Variants in RFT1 observed in about 807,000 individuals in gnomAD.
RFT1 encodes RFT1 glycolipid translocator homolog.
In RFT1, 43 loss-of-function variants were observed where a neutral mutation model predicts 62.2. That is an observed-to-expected ratio of 0.69 (90% CI 0.54 to 0.89). The LOEUF (loss-of-function observed/expected upper bound fraction) is 0.89. Among genes scored for constraint, RFT1 ranks in the 40% least tolerant of loss-of-function variants. The pLI, the probability that RFT1 is intolerant of heterozygous loss-of-function variation, is 0.00. For missense variants in RFT1, 605 were observed against 649.9 expected (o/e 0.93, Z 0.75); for synonymous variants, 262 against 264.6 (o/e 0.99, Z 0.10).
chr3:53,104,922 T>C (rs554237191), intron 9 of RFT1, among the ~76,000 whole-genome samples: 2 of 152,362 alleles, frequency 1.3e-5, no homozygotes, highest in East Asian at 1.9e-4. Context: ...GCTTAAATAA[T>C]TGGTGTGGTG....
At chr3:53,128,429 A>G (rs9820324) in intron 1 of RFT1, among the ~76,000 whole-genome samples, 40,072 of 152,190 alleles carry the variant, frequency 0.26, 5,671 homozygotes, top group Middle Eastern at 0.4. Flanking sequence ...AGCTAATGAA[A>G]CTGAGGTTGC....
intron 5 of RFT1, among the ~76,000 whole-genome samples, chr3:53,120,872 G>C (rs1701949986): frequency 6.6e-6 from 1 of 152,196 alleles, no homozygotes. Context: ...AACCATGCCT[G>C]AGACAAAGCC....
chr3:53,123,680 C>T (rs776815309), intron 3 of RFT1, 44 bp downstream of exon 3: 3 of 1,454,988 alleles, frequency 2.1e-6, no homozygotes, highest in East Asian at 2.3e-5. Flanking sequence ...ATGCTCACTA[C>T]ACCTGCCTTC....
At chr3:53,071,649 C>T in the RFT1 span, among the ~76,000 whole-genome samples, 1 of 152,350 alleles carries the variant, frequency 6.6e-6, no homozygotes, top group South Asian at 2.1e-4. Context: ...AGCTTAGACT[C>T]AGGCTCCAGG....
Position 53,099,446 on chromosome 3 carries a change from C to G in RFT1, c.1143G>C (p.Leu381=), listed in dbSNP as rs781188903. 1.2e-6 allele frequency: 2 copies of G among 1,613,950 alleles called. No homozygotes were observed. The highest frequency in any genetic ancestry group is 2.2e-5 in the East Asian group (1 of 44,876). ...ACTCTGTCACTCCATTGATGGCAAG[C>G]AGGAGAACATAGAGACAGTAGGAAC... ...LLRSYCLYVL[L]LAINGVTECF... The change falls in exon 11 of 13, where the codon CTG becomes CTC. Residue 381 remains leucine (L), a synonymous_variant. Coordinates refer to ENST00000296292, the MANE Select transcript of RFT1 (RefSeq NM_052859.4).
intron 1 of RFT1, among the ~76,000 whole-genome samples, chr3:53,129,970 G>A (rs983638251): frequency 2.6e-5 from 4 of 152,210 alleles, no homozygotes; most frequent in Non-Finnish European, 5.9e-5. Context: ...AAAGTTTGAG[G>A]AAGGTGTTTG....
the RFT1 span, among the ~76,000 whole-genome samples, chr3:53,079,704 C>T: frequency 1.3e-5 from 2 of 152,122 alleles, no homozygotes. Context: ...GGGCAACAGA[C>T]CACGACTCTG....
At position 53,125,944 on chromosome 3, in the gene RFT1, G is replaced by A. The variant is rs1702096489; in HGVS notation, c.114C>T (p.Phe38=). The A allele has an allele frequency of 3.1e-6, 5 of 1,613,886 alleles. No individual in the cohort carries two copies. Among genetic ancestry groups the A allele is most frequent in the Non-Finnish European group, 4.2e-6 (5 of 1,179,836 alleles). Residue 38 remains phenylalanine (F), a synonymous_variant, in exon 2 of 13, where the codon TTC becomes TTT. Coordinates refer to ENST00000296292, the MANE Select transcript of RFT1 (RefSeq NM_052859.4). ...TFVLNAFILR[F]LSKEIVGVVN... ...CTACGCCAACGATTTCCTTTGACAGGAAGCGAAGAATAAATGCATTCAAGA... is the reference window on the plus strand; with the variant it reads ...CTACGCCAACGATTTCCTTTGACAGAAAGCGAAGAATAAATGCATTCAAGA...
chr3:53,099,087 C>G (rs1159174641), intron 11 of RFT1, among the ~76,000 whole-genome samples: 2 of 152,142 alleles, frequency 1.3e-5, no homozygotes, highest in Admixed American at 1.3e-4. Context: ...TCTAGCTTGT[C>G]TGGTGCCTGA....
intron 10 of RFT1, chr3:53,103,708 G>A (rs574349003): frequency 5.7e-6 from 3 of 522,748 alleles, no homozygotes; most frequent in South Asian, 4.0e-5. Context: ...ACAGCAAGGA[G>A]AAGTCCTAAT....
At chr3:53,097,437 T>C (rs967176435) in intron 11 of RFT1, among the ~76,000 whole-genome samples, 2 of 152,256 alleles carry the variant, frequency 1.3e-5, no homozygotes, top group African/African-American at 4.8e-5. Context: ...TAGAAGGTGC[T>C]CTGGGCTCTG....
the RFT1 span, among the ~76,000 whole-genome samples, chr3:53,068,263 C>A: frequency 4.3e-4 from 65 of 151,412 alleles, no homozygotes; most frequent in African/African-American, 1.5e-3. Flanking sequence ...CCAGCCCTGT[C>A]TCAGACTGCC....
At chr3:53,088,043 C>T (rs867949056), downstream of RFT1, among the ~76,000 whole-genome samples, 1 of 152,136 alleles carries the variant, frequency 6.6e-6, no homozygotes, top group Non-Finnish European at 1.5e-5. Flanking sequence ...AATTCTATCA[C>T]CTGATGGAGG....
intron 6 of RFT1, among the ~76,000 whole-genome samples, chr3:53,117,114 C>G (rs761459104): frequency 6.6e-6 from 1 of 152,214 alleles, no homozygotes; most frequent in Non-Finnish European, 1.5e-5. Flanking sequence ...AGTCACTTAA[C>G]TCCTCTGAAC....
chr3:53,126,939 T>C (rs753794043), intron 1 of RFT1, among the ~76,000 whole-genome samples: 4 of 152,254 alleles, frequency 2.6e-5, no homozygotes, highest in East Asian at 1.9e-4. Context: ...AGCATATCAA[T>C]GGACTACTGT....
the RFT1 span, among the ~76,000 whole-genome samples, chr3:53,070,605 G>A: frequency 6.6e-6 from 1 of 151,946 alleles, no homozygotes; most frequent in East Asian, 1.9e-4. Flanking sequence ...GTTCCACCAT[G>A]TTGGCCAGGC....
At chr3:53,112,772 C>T (rs770734577) in intron 6 of RFT1, among the ~76,000 whole-genome samples, 14 of 152,038 alleles carry the variant, frequency 9.2e-5, no homozygotes, top group African/African-American at 3.4e-4. Context: ...AAACTCCCAG[C>T]GGCACCAAAT....
rs1303924631 is a variant in RFT1 at position 53,091,766 on chromosome 3, C to G, written c.*137G>C. ...GTCACAGGTGTCTCATGCAGTGGCACTCTCTGGTGCCTCATCTCTGGGGTT... is the reference window on the plus strand; with the variant it reads ...GTCACAGGTGTCTCATGCAGTGGCAGTCTCTGGTGCCTCATCTCTGGGGTT... On this transcript the variant is annotated 3_prime_UTR_variant, in exon 13 of 13. Transcript: ENST00000296292. The G allele has an allele frequency of 1.1e-6, 1 of 907,612 alleles. No homozygotes were observed. The highest frequency in any genetic ancestry group is 2.6e-5 in the East Asian group (1 of 38,622). The allele number at this position is 907,612 out of a possible 1,614,324, so 56.2% of individuals were successfully genotyped here. A position where few individuals can be genotyped will look rare whatever the true frequency, so the allele number is the denominator to read the frequency against.
At chr3:53,124,341 C>G (rs1216826944) in intron 2 of RFT1, among the ~76,000 whole-genome samples, 1 of 152,148 alleles carries the variant, frequency 6.6e-6, no homozygotes, top group East Asian at 1.9e-4. Context: ...TGGGTACCTC[C>G]CAGGTGGGCA....
Sources: gnomAD v4.1 joint callset for allele counts (sites outside exome capture counted in the v4.1 genomes callset) on GRCh38, gnomAD v4.1.1 for gene constraint, MANE v1.5 for transcripts, NCBI Gene and HGNC (gene_info 2026-07-23, HGNC 2026-07-21) for gene names.